BCR: variants seen among roughly 807,000 people sequenced by gnomAD.
The protein encoded by BCR is BCR activator of RhoGEF and GTPase.
Under a neutral mutation model 138.6 loss-of-function variants are expected in BCR, and 58 were observed. The observed-to-expected ratio is 0.42, with a 90% CI of 0.34 to 0.52. The LOEUF (loss-of-function observed/expected upper bound fraction) is 0.52, where lower values mean the gene tolerates loss of function less well. BCR is among the 20% of genes least tolerant of loss of function. The pLI, the probability that BCR is intolerant of heterozygous loss-of-function variation, is 0.06. For missense variants in BCR, 1,599 were observed against 1,727.2 expected, an observed-to-expected ratio of 0.93 and a Z score of 1.32; for synonymous variants, 786 against 730.1, an observed-to-expected ratio of 1.08 and a Z score of -1.23.
Position 23,181,919 on chromosome 22 carries a change from G to A in BCR, c.959G>A (p.Ser320Asn), listed in dbSNP as rs1401252448. ...TWPRRSYSPR[S>N]FEDCGGGYTP... ...CCCCGCAGGTCCTACTCCCCCCGGA[G>A]TTTTGAGGATTGCGGAGGCGGCTAT... The change falls in exon 1 of 23, where the codon AGT becomes AAT. Residue 320 changes from serine (S) to asparagine (N), a missense_variant. Ser to Asn is a conservative substitution (Grantham distance 46). Transcript: ENST00000305877. 1 of 1,613,576 alleles carries A rather than the reference G, an allele frequency of 6.2e-7. No homozygotes were observed.
intron 10 of BCR, among the ~76,000 whole-genome samples, chr22:23,286,195 C>G (rs890553583): frequency 2.0e-5 from 3 of 152,216 alleles, no homozygotes; most frequent in Admixed American, 2.0e-4. Flanking sequence ...TGCCACCCCT[C>G]TAGGTGTTCA....
chr22:23,218,686 C>T (rs1714359758), intron 1 of BCR, among the ~76,000 whole-genome samples: 1 of 152,214 alleles, frequency 6.6e-6, no homozygotes, highest in Non-Finnish European at 1.5e-5. Context: ...AGTGACTGGA[C>T]AGGCATGGAC....
chr22:23,264,266 C>T (rs916898867), intron 4 of BCR: 9 of 928,960 alleles, frequency 9.7e-6, no homozygotes, highest in South Asian at 2.6e-5. Context: ...CGACCCGCCT[C>T]GGCAGCCCTG....
At chr22:23,290,638 C>CG in intron 14 of BCR, 1 of 539,390 alleles carries the variant, frequency 1.9e-6, no homozygotes, top group Non-Finnish European at 3.4e-6. Context: ...GTCTCAGATC[C>CG]TGGGAGCTGG....
rs2072222694 is a variant in BCR at position 23,180,526 on chromosome 22, C to T, written c.-435C>T. 5.5e-6 allele frequency: 1 copy of T among 181,948 alleles called. No individual in the cohort carries two copies. Among genetic ancestry groups the T allele is most frequent in the Middle Eastern group, 2.2e-3 (1 of 456 alleles). 11.3% of individuals were successfully genotyped at this position (181,948 alleles called of 1,614,324 possible). ...CCTGCGGCGCAGAGTGCGGGCCGGG[C>T]GGGAGTGCGGCGAGAGCCGGCTGGC... is the stretch of plus-strand genomic sequence containing the variant. On this transcript the variant is annotated 5_prime_UTR_variant, in exon 1 of 23. Coordinates refer to ENST00000305877, the MANE Select transcript of BCR (RefSeq NM_004327.4).
chr22:23,263,152 G>C, intron 4 of BCR: 1 of 740,490 alleles, frequency 1.4e-6, no homozygotes, highest in Non-Finnish European at 2.1e-6. Flanking sequence ...GCGGCAGCCA[G>C]GGAGGAGGAG....
Position 23,237,384 on chromosome 22 carries a change from G to A in BCR, c.1280-16415G>A, listed in dbSNP as rs139412767. Among the ~76,000 whole-genome samples the A allele has an allele frequency of 4.7e-3, 713 of 152,334 alleles. 4 individuals carry two copies. The highest frequency in any genetic ancestry group is 0.015 in the African/African-American group (642 of 41,572). ...CTGGGCCTGGTTCCCGAGCCTGGCC[G>A]ATTGGGAGTAACAGGTGGGATCTGG... On this transcript the variant is annotated intron_variant, in intron 1 of 22. Transcript: ENST00000305877.
At position 23,254,109 on chromosome 22, in the gene BCR, A is replaced by G. The variant is rs926152330; in HGVS notation, c.1461+129A>G. ...TGGTTTGGAAGCGAGTGGGTCACCA[A>G]AAACTCCTTCCTCATCTCTACATGT... is the stretch of plus-strand genomic sequence containing the variant. On this transcript the variant is annotated intron_variant, in intron 2 of 22. Transcript: ENST00000305877. 1.9e-5 allele frequency: 20 copies of G among 1,066,580 alleles called. No homozygotes were observed. The African/African-American group carries it at 2.7e-4, about 15-fold the overall frequency. 66.1% of individuals were successfully genotyped at this position (1,066,580 alleles called of 1,614,324 possible).
chr22:23,262,333 G>C (rs2073370782), intron 4 of BCR, among the ~76,000 whole-genome samples: 1 of 152,136 alleles, frequency 6.6e-6, no homozygotes, highest in African/African-American at 2.4e-5. Context: ...GGTGCTGGGG[G>C]CTGAGTTTTC....
At chr22:23,277,781 C>A (rs1188480861) in intron 8 of BCR, among the ~76,000 whole-genome samples, 4 of 152,172 alleles carry the variant, frequency 2.6e-5, no homozygotes, top group Non-Finnish European at 4.4e-5. Context: ...AATCTCATTG[C>A]CCTTTTCAGC....
At chr22:23,190,650 G>A (rs1326737158) in intron 1 of BCR, among the ~76,000 whole-genome samples, 1 of 152,198 alleles carries the variant, frequency 6.6e-6, no homozygotes, top group Non-Finnish European at 1.5e-5. Context: ...AACACTTGGT[G>A]AGTCCGTTAC....
intron 2 of BCR, among the ~76,000 whole-genome samples, chr22:23,260,663 G>A (rs2073346185): frequency 6.6e-6 from 1 of 152,306 alleles, no homozygotes; most frequent in South Asian, 2.1e-4. Context: ...GTGGAGGGAG[G>A]CCTGGCCCAG....
chr22:23,278,814 G>GCCCA (rs1274287268), intron 8 of BCR, among the ~76,000 whole-genome samples: 2 of 152,200 alleles, frequency 1.3e-5, no homozygotes, highest in Non-Finnish European at 2.9e-5. Context: ...AGAGGGAGGT[G>GCCCA]CCCACCCCAG....
At position 23,290,339 on chromosome 22, in the gene BCR, A is replaced by G; in HGVS notation, c.2708A>G (p.Asp903Gly). The change falls in exon 14 of 23, where the codon GAT becomes GGT. Residue 903 changes from aspartate (D) to glycine (G), a missense_variant and splice_region_variant. Transcript: ENST00000305877. ...CTGACCTCTTTGATCTCTTGCGCAG[A>G]TGATGAGTCTCCGGGGCTCTATGGG... ...HSIPLTINKEDDESPGLYGFL... is the reference protein window; with the variant it reads ...HSIPLTINKEGDESPGLYGFL... 1 of 1,614,022 alleles carries G rather than the reference A, an allele frequency of 6.2e-7. No homozygotes were observed. Among genetic ancestry groups the G allele is most frequent in the Non-Finnish European group, 8.5e-7 (1 of 1,179,878 alleles).
intron 1 of BCR, among the ~76,000 whole-genome samples, chr22:23,251,774 C>T (rs1389666123): frequency 2.6e-5 from 4 of 152,208 alleles, no homozygotes; most frequent in Non-Finnish European, 5.9e-5. Context: ...TGACGTCACC[C>T]CATCAGGGTG....
intron 1 of BCR, among the ~76,000 whole-genome samples, chr22:23,205,065 A>G (rs965928905): frequency 5.3e-5 from 8 of 152,212 alleles, no homozygotes; most frequent in Non-Finnish European, 4.4e-5. Flanking sequence ...CAGATGACCA[A>G]TTCCCCAACA....
chr22:23,220,399 T>C (rs1318757070), intron 1 of BCR, among the ~76,000 whole-genome samples: 1 of 152,216 alleles, frequency 6.6e-6, no homozygotes, highest in Non-Finnish European at 1.5e-5. Flanking sequence ...CACCTCCTGC[T>C]GCCTCTCTGC....
rs1225807093 is a variant in BCR, at chr22:23,253,928, G to T, written c.1409G>T (p.Gly470Val). Residue 470 changes from glycine (G) to valine (V), a missense_variant, in exon 2 of 23, where the codon GGC (glycine) becomes GTC (valine). Around this residue, in one of 4 missense-constraint regions of BCR, gnomAD observed 590 missense variants for 762.4 expected, o/e 0.77. Coordinates refer to ENST00000305877, the MANE Select transcript of BCR (RefSeq NM_004327.4). Reference protein sequence around the residue: ...PSSSPHLSSKGRGSRDALVSG... With the variant: ...PSSSPHLSSKVRGSRDALVSG... Reference sequence around the variant, plus strand: ...TCATCGCCCCACCTCAGCAGCAAGGGCAGGGGCAGCCGGGATGCGCTGGTC... The same window carrying T: ...TCATCGCCCCACCTCAGCAGCAAGGTCAGGGGCAGCCGGGATGCGCTGGTC... The T allele has an allele frequency of 6.2e-7, 1 of 1,613,150 alleles. No individual in the cohort carries two copies. The highest frequency in any genetic ancestry group is 1.3e-5 in the African/African-American group (1 of 74,986).
intron 1 of BCR, among the ~76,000 whole-genome samples, chr22:23,201,282 T>C (rs1232345181): frequency 6.6e-6 from 1 of 152,180 alleles, no homozygotes; most frequent in Non-Finnish European, 1.5e-5. Flanking sequence ...CTGCTGGGGC[T>C]TGGGGTTCTC....
Sources: allele counts gnomAD v4.1 joint callset (sites outside exome capture counted in the v4.1 genomes callset), GRCh38; gene constraint gnomAD v4.1.1; regional missense constraint gnomAD v4.1.1; transcripts MANE v1.5; gene names NCBI Gene and HGNC (gene_info 2026-07-23, HGNC 2026-07-21).